Variants in PAPSS2 observed in about 807,000 individuals in gnomAD.
The protein encoded by PAPSS2 is 3'-phosphoadenosine 5'-phosphosulfate synthase 2.
PAPSS2 carries 61 observed loss-of-function variants against 66.5 expected under a neutral mutation model. That is an observed-to-expected ratio of 0.92 (90% CI 0.75 to 1.14). The LOEUF (loss-of-function observed/expected upper bound fraction) is 1.14, where lower values mean the gene tolerates loss of function less well. Ranked by LOEUF, PAPSS2 falls within the 50% of genes most tolerant of loss-of-function variation. The pLI is 0.00. For missense variants in PAPSS2, 708 were observed against 789.6 expected (o/e 0.90, Z 1.24); for synonymous variants, 289 against 287.5 (o/e 1.01, Z -0.05).
chr10:87,675,781 G>A (rs564280671), intron 1 of PAPSS2, among the ~76,000 whole-genome samples: 25 of 152,246 alleles, frequency 1.6e-4, no homozygotes, highest in African/African-American at 6.0e-4. Context: ...ATGATTGAAT[G>A]GATCTGTGTT....
intron 11 of PAPSS2, among the ~76,000 whole-genome samples, chr10:87,743,935 C>G (rs1235763077): frequency 2.0e-5 from 3 of 152,100 alleles, no homozygotes; most frequent in Admixed American, 1.3e-4. Flanking sequence ...AACCCTGTCT[C>G]TACTAAAAAT....
intron 1 of PAPSS2, among the ~76,000 whole-genome samples, chr10:87,661,428 A>C (rs1047436432): frequency 2.6e-5 from 4 of 152,338 alleles, no homozygotes; most frequent in Admixed American, 2.6e-4. Flanking sequence ...TTTTGTTCCT[A>C]TTTAATGCGA....
rs1461356714 is a variant in PAPSS2 at position 87,713,181 on chromosome 10, C to A, written c.252C>A (p.Gly84=). ...YSLDGDNVRH[G]LNRNLGFSPG... is the part of the protein sequence containing the mutation. ...TGGATGGGGACAATGTCCGTCATGG[C>A]CTTAACAGAAATCTCGGATTCTCTC... The change falls in exon 3 of 13, where the codon GGC becomes GGA. Residue 84 remains glycine (G), a synonymous_variant. Coordinates refer to ENST00000456849, the MANE Select transcript of PAPSS2 (RefSeq NM_001015880.2). 1.1e-5 allele frequency: 17 copies of A among 1,612,704 alleles called. No individual in the cohort carries two copies. Among genetic ancestry groups the A allele is most frequent in the South Asian group, 2.2e-5 (2 of 91,040 alleles).
At chr10:87,691,345 A>G (rs2131913730) in intron 1 of PAPSS2, among the ~76,000 whole-genome samples, 1 of 152,342 alleles carries the variant, frequency 6.6e-6, no homozygotes, top group Non-Finnish European at 1.5e-5. Flanking sequence ...TTCAAAGATA[A>G]ACGTGAGCAA....
rs140678914 is a variant in PAPSS2, at chr10:87,735,217, G to A, written c.1087-6018G>A. Among the ~76,000 whole-genome samples, 6 of 152,186 alleles carry A rather than the reference G, an allele frequency of 3.9e-5. No homozygotes were observed. In the East Asian group the frequency reaches 1.2e-3, roughly 29 times the overall value. On this transcript the variant is annotated intron_variant, in intron 9 of 12. Transcript: ENST00000456849. Reference sequence around the variant, plus strand: ...CCTGGGAAATTAAGCAGAGCCTCTGGATCTCCCTTCCTGACAGCTGGACAC... The same window carrying A: ...CCTGGGAAATTAAGCAGAGCCTCTGAATCTCCCTTCCTGACAGCTGGACAC...
intron 1 of PAPSS2, among the ~76,000 whole-genome samples, chr10:87,668,860 T>G (rs1169754076): frequency 6.6e-6 from 1 of 152,192 alleles, no homozygotes; most frequent in Non-Finnish European, 1.5e-5. Flanking sequence ...CTGATCACCC[T>G]ACCACACGCT....
intron 1 of PAPSS2, among the ~76,000 whole-genome samples, chr10:87,678,840 A>AT: frequency 6.6e-6 from 1 of 152,338 alleles, no homozygotes; most frequent in Admixed American, 6.5e-5. Context: ...GGGAATGTAA[A>AT]TTAGTAAAGC....
rs768014358 is a variant in PAPSS2 at position 87,714,204 on chromosome 10, G to A, written c.520+22G>A. 1.4e-5 allele frequency: 23 copies of A among 1,609,868 alleles called. No homozygotes were observed. In the African/African-American group the frequency reaches 1.7e-4, roughly 12 times the overall value. Reference sequence around the variant, plus strand: ...AAAGGTAAGAGAATTGGCTAGTAGCGTCTACCAGTTACATAGGCTGTCAGT... The same window carrying A: ...AAAGGTAAGAGAATTGGCTAGTAGCATCTACCAGTTACATAGGCTGTCAGT... On this transcript the variant is annotated intron_variant, in intron 4 of 12. Transcript: ENST00000456849.
intron 1 of PAPSS2, among the ~76,000 whole-genome samples, chr10:87,684,231 G>A (rs531193866): frequency 2.3e-4 from 35 of 152,330 alleles, no homozygotes; most frequent in South Asian, 1.2e-3. Context: ...TCAGGAGCTA[G>A]GTTTTTGGCT....
chr10:87,694,903 G>A (rs564087343), intron 1 of PAPSS2, among the ~76,000 whole-genome samples: 2 of 152,348 alleles, frequency 1.3e-5, no homozygotes, highest in South Asian at 4.1e-4. Flanking sequence ...GAAGGAGTAG[G>A]GTTCATGGGG....
rs570648942 is a variant in PAPSS2 at position 87,745,918 on chromosome 10, C to T, written c.1808C>T (p.Pro603Leu). 2 of 1,613,946 alleles carry T rather than the reference C, an allele frequency of 1.2e-6. No homozygotes were observed. The highest frequency in any genetic ancestry group is 2.2e-5 in the East Asian group (1 of 44,876). ...GENPPDGFMA[P>L]KAWKVLTDYY... ...AATCCCCCAGATGGCTTCATGGCCC[C>T]CAAAGCATGGAAGGTCCTGACAGAT... The change falls in exon 13 of 13, where the codon CCC becomes CTC. Residue 603 changes from proline to leucine, a missense_variant. Coordinates refer to ENST00000456849, the MANE Select transcript of PAPSS2 (RefSeq NM_001015880.2).
At chr10:87,699,790 C>G (rs1189902073) in intron 1 of PAPSS2, among the ~76,000 whole-genome samples, 2 of 141,272 alleles carry the variant, frequency 1.4e-5, no homozygotes, top group Non-Finnish European at 3.0e-5. Context: ...GCAGAGGTTT[C>G]AGTGAGTCGA....
intron 1 of PAPSS2, among the ~76,000 whole-genome samples, chr10:87,697,911 A>G (rs1853254927): frequency 6.6e-6 from 1 of 152,228 alleles, no homozygotes; most frequent in African/African-American, 2.4e-5. Context: ...CAGCATGCAC[A>G]GTCCCATGAG....
At chr10:87,702,659 T>C (rs539311418) in intron 1 of PAPSS2, among the ~76,000 whole-genome samples, 1 of 152,296 alleles carries the variant, frequency 6.6e-6, no homozygotes, top group African/African-American at 2.4e-5. Context: ...TGGATTTGTT[T>C]GCACTGCCTG....
chr10:87,684,833 T>C (rs955823952), intron 1 of PAPSS2, among the ~76,000 whole-genome samples: 2 of 152,230 alleles, frequency 1.3e-5, no homozygotes, highest in African/African-American at 2.4e-5. Flanking sequence ...CATTTCGTGG[T>C]TGAGCCAGAC....
chr10:87,690,144 A>G lies in PAPSS2; in HGVS notation c.28-19052A>G, dbSNP rs950209541. Among the ~76,000 whole-genome samples the G allele has an allele frequency of 7.9e-5, 12 of 152,370 alleles. No homozygotes were observed. In the East Asian group the frequency reaches 2.3e-3, roughly 29 times the overall value. On this transcript the variant is annotated intron_variant, in intron 1 of 12. Transcript: ENST00000456849. ...CATGCAAAAAATTAAGTATAAGGTT[A>G]TTAATTATTGCAATGTTTGTAATAA...
At chr10:87,695,084 C>T (rs1589427232) in intron 1 of PAPSS2, among the ~76,000 whole-genome samples, 1 of 152,198 alleles carries the variant, frequency 6.6e-6, no homozygotes, top group Admixed American at 6.5e-5. Flanking sequence ...TGAAATGCAA[C>T]GATGTCTTAG....
chr10:87,663,879 A>G (rs965003967), intron 1 of PAPSS2, among the ~76,000 whole-genome samples: 1 of 152,250 alleles, frequency 6.6e-6, no homozygotes, highest in Non-Finnish European at 1.5e-5. Context: ...AAGAAAAAAC[A>G]GCACACATCA....
At chr10:87,708,997 A>G (rs1853429669) in intron 1 of PAPSS2, among the ~76,000 whole-genome samples, 199 bp from the exon 2 acceptor site, 2 of 152,172 alleles carry the variant, frequency 1.3e-5, no homozygotes, top group South Asian at 4.1e-4. Context: ...CATGTAGCTA[A>G]TGGCTCAGGG....
Sources: gnomAD v4.1 joint callset for allele counts (sites outside exome capture counted in the v4.1 genomes callset) on GRCh38, gnomAD v4.1.1 for gene constraint, MANE v1.5 for transcripts, NCBI Gene and HGNC (gene_info 2026-07-23, HGNC 2026-07-21) for gene names.